AAMDC: variants seen among roughly 807,000 people sequenced by gnomAD.
AAMDC encodes adipogenesis associated Mth938 domain containing.
A neutral mutation model predicts 15.5 loss-of-function variants in AAMDC; 16 were observed. That is an observed-to-expected ratio of 1.03 (90% CI 0.70 to 1.57). The LOEUF is 1.57. AAMDC is among the 40% of genes most tolerant of loss of function. The pLI is 0.00. For missense variants in AAMDC, 141 were observed against 144.9 expected (o/e 0.97, Z 0.14); for synonymous variants, 51 against 51.6 (o/e 0.99, Z 0.05).
rs191332274 is a variant in AAMDC, at chr11:77,887,553, T to C, written c.328+10504T>C. On this transcript the variant is annotated intron_variant, in intron 5 of 5. Transcript: ENST00000304716. ...CTCTCAGCACTCCTATTCAACATAG[T>C]GTTGGAAGTGCTGGCCAGGGCAATT... Among the ~76,000 whole-genome samples the C allele has an allele frequency of 5.9e-5, 9 of 152,212 alleles. No homozygotes were observed. The East Asian group carries it at 1.5e-3, about 26-fold the overall frequency.
chr11:77,891,275 C>A, intron 5 of AAMDC: 1 of 1,591,064 alleles, frequency 6.3e-7, no homozygotes, highest in Non-Finnish European at 8.6e-7. Flanking sequence ...TACTTCAACA[C>A]AATGTCAGTC....
intron 2 of AAMDC, among the ~76,000 whole-genome samples, chr11:77,867,123 G>A (rs1055520088): frequency 1.3e-5 from 2 of 152,186 alleles, no homozygotes; most frequent in African/African-American, 4.8e-5. Flanking sequence ...TTACAGGCAT[G>A]AGCCACTGTG....
downstream of AAMDC, among the ~76,000 whole-genome samples, chr11:77,905,708 C>T (rs1316425119): frequency 6.6e-6 from 1 of 152,254 alleles, no homozygotes; most frequent in Non-Finnish European, 1.5e-5. Flanking sequence ...TGACCCAGCA[C>T]AGTTTCCATC....
chr11:77,883,950 G>C, intron 5 of AAMDC: 1 of 1,612,394 alleles, frequency 6.2e-7, no homozygotes, highest in African/African-American at 1.3e-5. Flanking sequence ...CTGGATATAA[G>C]ACCTAAAGGG....
chr11:77,837,123 TTTTG>T (rs923143496), intron 1 of AAMDC, among the ~76,000 whole-genome samples: 11 of 152,334 alleles, frequency 7.2e-5, no homozygotes, highest in South Asian at 2.1e-4. Context: ...TGTTTGAGTT[TTTTG>T]TTTGTTTGTT....
intron 5 of AAMDC, chr11:77,891,767 T>A (rs755290472): frequency 6.8e-6 from 11 of 1,611,904 alleles, no homozygotes; most frequent in Non-Finnish European, 7.6e-6. Context: ...TTGGATGTCA[T>A]GAGTCGGGGC....
At chr11:77,877,678 G>C (rs913132914) in intron 5 of AAMDC, among the ~76,000 whole-genome samples, 1 of 152,148 alleles carries the variant, frequency 6.6e-6, no homozygotes, top group African/African-American at 2.4e-5. Context: ...TAAATGACAG[G>C]TAAAGTACAT....
chr11:77,868,256 C>T (rs142535408), intron 2 of AAMDC, among the ~76,000 whole-genome samples: 7 of 151,366 alleles, frequency 4.6e-5, no homozygotes, highest in African/African-American at 9.7e-5. Context: ...GGGGTTTCAC[C>T]GTGTTAGCCA....
chr11:77,849,396 T>A (rs1464021091), intron 2 of AAMDC, among the ~76,000 whole-genome samples: 1 of 152,098 alleles, frequency 6.6e-6, no homozygotes, highest in Non-Finnish European at 1.5e-5. Context: ...TAATTTCTTT[T>A]GTATTTTTAG....
downstream of AAMDC, among the ~76,000 whole-genome samples, chr11:77,873,848 T>G (rs1279434694): frequency 3.9e-5 from 6 of 152,214 alleles, no homozygotes; most frequent in Non-Finnish European, 7.3e-5. Flanking sequence ...AGACATTTAC[T>G]AGGTATGGTA....
chr11:77,823,214 CAAAAA>C (rs746182266), intron 1 of AAMDC, among the ~76,000 whole-genome samples: 2 of 92,734 alleles, frequency 2.2e-5, no homozygotes, highest in Admixed American at 1.4e-4. Context: ...GACTCCGTCT[CAAAAA>C]AAAAAAAAAA....
chr11:77,832,775 T>C (rs1419959933), intron 1 of AAMDC, among the ~76,000 whole-genome samples: 1 of 151,608 alleles, frequency 6.6e-6, no homozygotes, highest in East Asian at 1.9e-4. Flanking sequence ...CCCAGGCTTA[T>C]AGTGATGTTG....
chr11:77,871,856 A>G (rs1293809167), intron 3 of AAMDC, among the ~76,000 whole-genome samples: 1 of 152,244 alleles, frequency 6.6e-6, no homozygotes, highest in South Asian at 2.1e-4. Context: ...ACATGAAAAC[A>G]AAGACTCAGA....
intron 2 of AAMDC, among the ~76,000 whole-genome samples, chr11:77,845,295 C>A (rs1306891757): frequency 6.6e-6 from 1 of 151,874 alleles, no homozygotes; most frequent in Non-Finnish European, 1.5e-5. Flanking sequence ...CATTTTTTTT[C>A]TTTCCTTTGT....
intron 2 of AAMDC, among the ~76,000 whole-genome samples, chr11:77,852,887 C>T (rs149016053): frequency 1.3e-5 from 2 of 151,846 alleles, no homozygotes; most frequent in East Asian, 3.9e-4. Context: ...TCTTTTTTAC[C>T]ACTGTATAGT....
downstream of AAMDC, among the ~76,000 whole-genome samples, chr11:77,905,699 G>A (rs1437879622): frequency 5.3e-5 from 8 of 152,204 alleles, no homozygotes; most frequent in Non-Finnish European, 1.2e-4. Context: ...ATGCAGTGGT[G>A]ACCCAGCACA....
At chr11:77,872,663 A>G (rs972508145), downstream of AAMDC, among the ~76,000 whole-genome samples, 24 of 152,198 alleles carry the variant, frequency 1.6e-4, no homozygotes, top group African/African-American at 4.6e-4. Flanking sequence ...AATTTCAACT[A>G]TAGGCCAGGC....
chr11:77,902,871 G>A (rs763288813), downstream of AAMDC, among the ~76,000 whole-genome samples: 23 of 152,252 alleles, frequency 1.5e-4, no homozygotes, highest in Admixed American at 3.9e-4. Context: ...ACCTTTTAAC[G>A]TTGAAGAGAT....
intron 2 of AAMDC, among the ~76,000 whole-genome samples, chr11:77,857,303 T>A (rs1339510643): frequency 6.6e-6 from 1 of 152,180 alleles, no homozygotes; most frequent in Admixed American, 6.5e-5. Flanking sequence ...GACCTGACTC[T>A]TGAAGGAGAA....
Sources: allele counts gnomAD v4.1 joint callset (sites outside exome capture counted in the v4.1 genomes callset), GRCh38; gene constraint gnomAD v4.1.1; transcripts MANE v1.5; gene names NCBI Gene and HGNC (gene_info 2026-07-23, HGNC 2026-07-21).